MIA2: variants seen among roughly 807,000 people sequenced by gnomAD.
MIA2 encodes melanoma inhibitory activity protein 2.
In MIA2, 127 loss-of-function variants were observed where a neutral mutation model predicts 167.8. The observed-to-expected ratio is 0.76, with a 90% CI of 0.66 to 0.88. The LOEUF is 0.88. MIA2 is among the 40% of genes least tolerant of loss of function. MIA2 has a pLI of 0.00. For synonymous variants in MIA2, 552 were observed against 541.9 expected (o/e 1.02, Z -0.26); for missense variants, 1,690 against 1,624.7 (o/e 1.04, Z -0.69).
At chr14:39,338,395 A>T (rs543227992) in intron 25 of MIA2, among the ~76,000 whole-genome samples, 17 of 152,362 alleles carry the variant, frequency 1.1e-4, no homozygotes, top group Admixed American at 3.9e-4. Flanking sequence ...TATCATACAC[A>T]TACAGGGAAG....
At chr14:39,296,619 T>C (rs1424269279) in intron 13 of MIA2, among the ~76,000 whole-genome samples, 1 of 126,598 alleles carries the variant, frequency 7.9e-6, no homozygotes, top group Non-Finnish European at 1.8e-5. Context: ...TTTTTTTTTT[T>C]TAATTTTTAT....
downstream of MIA2, among the ~76,000 whole-genome samples, chr14:39,351,798 A>G (rs1215467553): frequency 1.3e-5 from 2 of 152,118 alleles, no homozygotes; most frequent in African/African-American, 2.4e-5. Context: ...TAGTAGAGAC[A>G]GGGTTTCACC....
At chr14:39,314,386 TAAA>T (rs11413108) in intron 19 of MIA2, among the ~76,000 whole-genome samples, 1 of 144,012 alleles carries the variant, frequency 6.9e-6, no homozygotes, top group Non-Finnish European at 1.5e-5. Flanking sequence ...ACACTCTGTT[TAAA>T]AAAAAAAAAA....
At chr14:39,328,225 G>T (rs1291779518) in intron 25 of MIA2, among the ~76,000 whole-genome samples, 2 of 152,116 alleles carry the variant, frequency 1.3e-5, no homozygotes, top group Non-Finnish European at 2.9e-5. Flanking sequence ...ACCAGTGATG[G>T]TGAGCTTTTT....
intron 25 of MIA2, among the ~76,000 whole-genome samples, chr14:39,343,771 G>A (rs966145208): frequency 1.3e-5 from 2 of 152,066 alleles, no homozygotes; most frequent in African/African-American, 4.8e-5. Context: ...CCACATAGCT[G>A]TATCTTATTA....
chr14:39,250,880 A>G (rs897367951), intron 4 of MIA2, among the ~76,000 whole-genome samples: 1 of 151,940 alleles, frequency 6.6e-6, no homozygotes, highest in Non-Finnish European at 1.5e-5. Context: ...TTTCAGAAAA[A>G]AAGACGTCAT....
intron 23 of MIA2, among the ~76,000 whole-genome samples, chr14:39,359,022 C>G (rs1431416740): frequency 6.6e-6 from 1 of 152,196 alleles, no homozygotes; most frequent in Non-Finnish European, 1.5e-5. Context: ...AGGAGGCAGT[C>G]TGTCTGTTCT....
intron 6 of MIA2, chr14:39,269,095 T>TTTTTTTTG: frequency 1.1e-6 from 1 of 929,250 alleles, no homozygotes; most frequent in Middle Eastern, 5.5e-4. Context: ...TTTTTTTTTT[T>TTTTTTTTG]TTTTGCTAAA....
At chr14:39,326,743 CTG>C in intron 24 of MIA2, 119 bp from the exon 25 acceptor site, 1 of 786,410 alleles carries the variant, frequency 1.3e-6, no homozygotes, top group East Asian at 3.5e-5. Flanking sequence ...ACTTTCTACA[CTG>C]TTATTTTTCA....
chr14:39,275,120 T>A (rs2057782114), intron 6 of MIA2, among the ~76,000 whole-genome samples: 1 of 129,330 alleles, frequency 7.7e-6, no homozygotes, highest in Admixed American at 7.9e-5. Flanking sequence ...TTCCTTAATT[T>A]CCATGTTTCC....
intron 23 of MIA2, among the ~76,000 whole-genome samples, chr14:39,379,941 A>C (rs1039642941): frequency 1.3e-5 from 2 of 151,742 alleles, no homozygotes; most frequent in African/African-American, 4.9e-5. Flanking sequence ...AACAACAAAA[A>C]CCCCACCACC....
chr14:39,302,186 A>G lies in MIA2; in HGVS notation c.2677A>G (p.Ile893Val). The change falls in exon 15 of 29, where the codon ATA becomes GTA. Residue 893 changes from isoleucine to valine, a missense_variant. Physicochemically the swap from Ile to Val is conservative, Grantham distance 29. Coordinates refer to ENST00000640607, the MANE Select transcript of MIA2 (RefSeq NM_001329214.4). ...TTGGGCTGCTATGCTTGGAGAAGAC[A>G]TAACGGATGATGATAACTTGGAATT... Reference protein sequence around the residue: ...KDWAAMLGEDITDDDNLELEM... With the variant: ...KDWAAMLGEDVTDDDNLELEM... The G allele has an allele frequency of 1.9e-6, 3 of 1,614,002 alleles. No homozygotes were observed. The highest frequency in any genetic ancestry group is 2.5e-6 in the Non-Finnish European group (3 of 1,179,884).
At chr14:39,325,539 T>C (rs1362727504) in intron 24 of MIA2, among the ~76,000 whole-genome samples, 2 of 148,382 alleles carry the variant, frequency 1.3e-5, no homozygotes, top group Non-Finnish European at 3.0e-5. Context: ...GGCTAATTTT[T>C]TGTATTTTTA....
chr14:39,330,041 A>G (rs578188882), intron 25 of MIA2, among the ~76,000 whole-genome samples: 63 of 152,306 alleles, frequency 4.1e-4, no homozygotes, highest in Non-Finnish European at 5.9e-4. Context: ...TTCAGAAGGA[A>G]TGGTACCAGC....
At chr14:39,359,159 A>G (rs563679983) in intron 23 of MIA2, among the ~76,000 whole-genome samples, 2 of 152,318 alleles carry the variant, frequency 1.3e-5, no homozygotes, top group African/African-American at 4.8e-5. Flanking sequence ...GGTGGAGTCT[A>G]CAGAGGCAGG....
At chr14:39,292,547 T>G (rs1354906572) in intron 10 of MIA2, 1 of 161,268 alleles carries the variant, frequency 6.2e-6, no homozygotes, top group Non-Finnish European at 1.4e-5. Flanking sequence ...ATTCCTAGAA[T>G]GAAATATTCA....
intron 25 of MIA2, among the ~76,000 whole-genome samples, chr14:39,329,940 T>C (rs533884959): frequency 1.3e-5 from 2 of 152,286 alleles, no homozygotes; most frequent in South Asian, 4.1e-4. Context: ...CTTTTTTTGT[T>C]GTGTCTCTGC....
At chr14:39,288,241 G>A (rs1467330476) in intron 9 of MIA2, among the ~76,000 whole-genome samples, 1 of 151,450 alleles carries the variant, frequency 6.6e-6, no homozygotes, top group Non-Finnish European at 1.5e-5. Context: ...GTGGGAGGAT[G>A]GCTTGAGCCC....
chr14:39,325,227 CA>C (rs1555398226), intron 24 of MIA2, among the ~76,000 whole-genome samples: 7 of 115,768 alleles, frequency 6.0e-5, no homozygotes, highest in African/African-American at 1.7e-4. Context: ...GACCTTGTCT[CA>C]AAAAAAAAAA....
Sources: allele counts gnomAD v4.1 joint callset (sites outside exome capture counted in the v4.1 genomes callset), GRCh38; gene constraint gnomAD v4.1.1; transcripts MANE v1.5; gene names NCBI Gene and HGNC (gene_info 2026-07-23, HGNC 2026-07-21).